The following TFDP2 variants were observed in gnomAD, a reference collection of about 807,000 sequenced individuals.
TFDP2 encodes transcription factor Dp-2.
TFDP2 carries 17 observed loss-of-function variants against 59.3 expected under a neutral mutation model. The ratio of observed to expected loss-of-function variants is 0.29; its 90% CI spans 0.20 to 0.43. The LOEUF (loss-of-function observed/expected upper bound fraction) is 0.43. Among genes scored for constraint, TFDP2 ranks in the 20% least tolerant of loss-of-function variants. The pLI is 1.00. For missense variants in TFDP2, 391 were observed against 528.8 expected (o/e 0.74, Z 2.56); for synonymous variants, 180 against 194.7 (o/e 0.92, Z 0.63).
rs1013729936 is a variant in TFDP2 at position 142,131,442 on chromosome 3, T to G, written c.-93+17741A>C. ...GGCACATAAAATGTGAGTAACTCTG[T>G]AAGTTTGATCTAAGAGACATAGGCA... is the stretch of plus-strand genomic sequence containing the variant. On this transcript the variant is annotated intron_variant, in intron 1 of 12. Coordinates refer to ENST00000489671, the MANE Select transcript of TFDP2 (RefSeq NM_001178139.2). 4.7e-5 allele frequency among the ~76,000 whole-genome samples: 7 copies of G among 150,096 alleles called. 1 individual carries two copies. The highest frequency in any genetic ancestry group is 1.8e-4 in the African/African-American group (7 of 39,616).
At chr3:142,041,954 A>G (rs1946993905) in intron 3 of TFDP2, among the ~76,000 whole-genome samples, 1 of 152,150 alleles carries the variant, frequency 6.6e-6, no homozygotes, top group African/African-American at 2.4e-5. Context: ...TTTTTCAGAG[A>G]TCAGGTGACT....
At chr3:142,051,375 C>T (rs1947618132) in intron 3 of TFDP2, among the ~76,000 whole-genome samples, 1 of 152,138 alleles carries the variant, frequency 6.6e-6, no homozygotes, top group Non-Finnish European at 1.5e-5. Flanking sequence ...CTCATCTCTA[C>T]TAAAATTACA....
chr3:142,020,968 A>G (rs369012333), intron 3 of TFDP2, among the ~76,000 whole-genome samples: 95 of 147,060 alleles, frequency 6.5e-4, no homozygotes, highest in African/African-American at 2.3e-3. Flanking sequence ...CTGGGTGACA[A>G]AGCAACACCC....
chr3:142,006,392 G>C (rs1006756378), intron 3 of TFDP2, among the ~76,000 whole-genome samples: 1 of 151,758 alleles, frequency 6.6e-6, no homozygotes, highest in African/African-American at 2.4e-5. Flanking sequence ...GGACAACAAA[G>C]ACATTTCCTT....
At chr3:142,029,418 T>C (rs377252180) in intron 3 of TFDP2, among the ~76,000 whole-genome samples, 1 of 151,842 alleles carries the variant, frequency 6.6e-6, no homozygotes, top group Non-Finnish European at 1.5e-5. Context: ...TAGGGTTAAG[T>C]ACCTTTCTCC....
chr3:141,969,701 A>C (rs1939415730), intron 9 of TFDP2, among the ~76,000 whole-genome samples: 1 of 152,188 alleles, frequency 6.6e-6, no homozygotes. Context: ...AGATTTGATT[A>C]CTGTACTTGA....
chr3:142,115,010 C>T (rs1306809671), intron 1 of TFDP2, among the ~76,000 whole-genome samples: 1 of 151,864 alleles, frequency 6.6e-6, no homozygotes, highest in African/African-American at 2.4e-5. Context: ...GAAAAAAAAA[C>T]TCAACAGTGC....
At chr3:142,082,498 T>C (rs535255795) in intron 3 of TFDP2, among the ~76,000 whole-genome samples, 5 of 152,048 alleles carry the variant, frequency 3.3e-5, no homozygotes, top group Admixed American at 3.3e-4. Context: ...GGAGGAGAGA[T>C]GAATACTTCC....
intron 4 of TFDP2, among the ~76,000 whole-genome samples, chr3:142,003,048 G>A (rs1468278407): frequency 3.3e-5 from 5 of 151,584 alleles, no homozygotes; most frequent in Non-Finnish European, 1.5e-5. Context: ...TGTCACCCAG[G>A]CTGGAGTACA....
chr3:142,048,058 T>G (rs1025918704), intron 3 of TFDP2, among the ~76,000 whole-genome samples: 3 of 152,234 alleles, frequency 2.0e-5, no homozygotes, highest in Admixed American at 2.0e-4. Flanking sequence ...TGCTAATTAT[T>G]AGACACTTTC....
intron 3 of TFDP2, among the ~76,000 whole-genome samples, chr3:142,065,293 A>C (rs751401041): frequency 4.0e-5 from 6 of 151,682 alleles, no homozygotes. Flanking sequence ...AGGAGCTGGG[A>C]CTGCACAGGC....
chr3:141,987,182 T>C (rs977709294), intron 6 of TFDP2, among the ~76,000 whole-genome samples: 3 of 152,170 alleles, frequency 2.0e-5, no homozygotes, highest in African/African-American at 7.2e-5. Flanking sequence ...ATAGAGGTGG[T>C]GATTAACTAG....
At chr3:141,963,773 G>A (rs1559927307) in intron 10 of TFDP2, 39 bp downstream of exon 10, 2 of 1,554,202 alleles carry the variant, frequency 1.3e-6, no homozygotes, top group Middle Eastern at 1.7e-4. Context: ...AATGTTAACA[G>A]AAGGCCAGCC....
chr3:142,053,468 C>A (rs1314166872), intron 3 of TFDP2, among the ~76,000 whole-genome samples: 1 of 152,190 alleles, frequency 6.6e-6, no homozygotes, highest in East Asian at 1.9e-4. Flanking sequence ...GATGCTGGCA[C>A]CATGCTTCCT....
chr3:142,078,194 G>A (rs769465299), intron 3 of TFDP2, among the ~76,000 whole-genome samples: 3 of 152,152 alleles, frequency 2.0e-5, no homozygotes, highest in East Asian at 1.9e-4. Context: ...TAAGGTTTCC[G>A]ACTCTAGGCC....
intron 11 of TFDP2, among the ~76,000 whole-genome samples, chr3:141,954,551 C>T (rs1936331106): frequency 6.6e-6 from 1 of 151,722 alleles, no homozygotes; most frequent in South Asian, 2.1e-4. Flanking sequence ...GCAGGAGAAT[C>T]ACTTGAACCC....
chr3:142,146,395 ATATT>A (rs2063177082), intron 1 of TFDP2, among the ~76,000 whole-genome samples: 1 of 152,152 alleles, frequency 6.6e-6, no homozygotes, highest in Admixed American at 6.6e-5. Flanking sequence ...TTATATATAT[ATATT>A]AATTATCTTC....
At chr3:142,127,182 T>C (rs1167012753) in intron 1 of TFDP2, among the ~76,000 whole-genome samples, 1 of 148,270 alleles carries the variant, frequency 6.7e-6, no homozygotes, top group African/African-American at 2.5e-5. Flanking sequence ...ATATAACTTA[T>C]CTATAAGATA....
At chr3:142,044,226 GTTTTTTTT>G (rs142598439) in intron 3 of TFDP2, 29 of 118,246 alleles carry the variant, frequency 2.5e-4, no homozygotes, top group South Asian at 6.1e-4. Flanking sequence ...CAGCAAAAGG[GTTTTTTTT>G]TTTTTTTTTT....
Sources: allele counts gnomAD v4.1 joint callset (sites outside exome capture counted in the v4.1 genomes callset), GRCh38; gene constraint gnomAD v4.1.1; transcripts MANE v1.5; gene names NCBI Gene and HGNC (gene_info 2026-07-23, HGNC 2026-07-21).